Variants in ZMAT4 observed in about 807,000 individuals in gnomAD.
ZMAT4 encodes the protein zinc finger matrin-type protein 4.
Under a neutral mutation model 28.7 loss-of-function variants are expected in ZMAT4, and 17 were observed. That is an observed-to-expected ratio of 0.59 (90% CI 0.41 to 0.89). The LOEUF (loss-of-function observed/expected upper bound fraction) is 0.89. ZMAT4 is among the 40% of genes least tolerant of loss of function. ZMAT4 has a pLI of 0.00. For missense variants in ZMAT4, 240 were observed against 283.8 expected (o/e 0.85, Z 1.11); for synonymous variants, 117 against 109.2 (o/e 1.07, Z -0.44).
chr8:40,841,016 A>T (rs1241137684), intron 1 of ZMAT4, among the ~76,000 whole-genome samples: 1 of 152,236 alleles, frequency 6.6e-6, no homozygotes, highest in Non-Finnish European at 1.5e-5. Flanking sequence ...GGAGCCCCAC[A>T]TAATGGAAAC....
chr8:40,565,136 T>C (rs1318220824), intron 6 of ZMAT4, among the ~76,000 whole-genome samples: 1 of 152,196 alleles, frequency 6.6e-6, no homozygotes, highest in Non-Finnish European at 1.5e-5. Flanking sequence ...ACAAATGTCA[T>C]TTGCTCTTAA....
At chr8:40,688,879 G>A (rs1214057314) in intron 4 of ZMAT4, among the ~76,000 whole-genome samples, 1 of 152,194 alleles carries the variant, frequency 6.6e-6, no homozygotes, top group Non-Finnish European at 1.5e-5. Context: ...TCTGAAGTCT[G>A]GTTTTCCCCA....
chr8:40,884,479 T>C (rs1438943414), intron 1 of ZMAT4: 3 of 152,256 alleles, frequency 2.0e-5, no homozygotes, highest in Middle Eastern at 3.4e-3. Context: ...GCTGTTTGCA[T>C]GCACTATCTC....
chr8:40,668,286 A>G (rs1318123784), intron 5 of ZMAT4, among the ~76,000 whole-genome samples: 1 of 152,046 alleles, frequency 6.6e-6, no homozygotes, highest in Non-Finnish European at 1.5e-5. Context: ...CCTGGCCAAC[A>G]TTGGGAAACC....
In ZMAT4 at chr8:40,680,527, A is replaced by G. The variant is rs571989104; in HGVS notation, c.350-5596T>C. Among the ~76,000 whole-genome samples the G allele has an allele frequency of 2.0e-5, 3 of 152,198 alleles. No individual in the cohort carries two copies. The South Asian group carries it at 6.2e-4, about 32-fold the overall frequency. The stretch of plus-strand genomic sequence containing the variant: ...ACAGATCTCAAAGCTCTGTCAGACC[A>G]CCAGGTGGGCGTCATTAGCTGGGGA... On this transcript the variant is annotated intron_variant, in intron 4 of 6. Transcript: ENST00000297737.
intron 5 of ZMAT4, among the ~76,000 whole-genome samples, chr8:40,629,007 CT>C (rs55887019): frequency 0.22 from 31,569 of 145,470 alleles, 3,419 homozygotes; most frequent in Middle Eastern, 0.28. Context: ...GCTTTCTTTT[CT>C]TTTTTTTTTT....
intron 3 of ZMAT4, among the ~76,000 whole-genome samples, chr8:40,704,574 T>G (rs1170758858): frequency 6.6e-6 from 1 of 152,252 alleles, no homozygotes; most frequent in African/African-American, 2.4e-5. Flanking sequence ...TTTAGAATTG[T>G]CTTTCTAAAA....
intron 6 of ZMAT4, among the ~76,000 whole-genome samples, chr8:40,551,322 T>C (rs1201734420): frequency 6.6e-6 from 1 of 152,182 alleles, no homozygotes; most frequent in Non-Finnish European, 1.5e-5. Context: ...GAGAAAATAT[T>C]TTCTTTCCTT....
Position 40,655,657 on chromosome 8 carries a change from A to G in ZMAT4, c.577+19047T>C, listed in dbSNP as rs118172025. ...TGATAGGCCAGAAATAGACCCATAC[A>G]TTTATGGTCCATTGAGTTTCAGCAA... On this transcript the variant is annotated intron_variant, in intron 5 of 6. Transcript: ENST00000297737. 2.7e-3 allele frequency among the ~76,000 whole-genome samples: 418 copies of G among 152,220 alleles called. 2 individuals carry two copies. Among genetic ancestry groups the G allele is most frequent in the Non-Finnish European group, 2.8e-3 (189 of 67,964 alleles).
chr8:40,841,877 C>G lies in ZMAT4; in HGVS notation c.-4-16197G>C, dbSNP rs201533929. Among the ~76,000 whole-genome samples the G allele has an allele frequency of 6.6e-5, 10 of 152,216 alleles. No homozygotes were observed. In the East Asian group the frequency reaches 1.9e-3, roughly 29 times the overall value. ...GTTAAGAAGAGTCCAGAGGGTGGTC[C>G]TAAAGAGATCACCTGCAGGATGCGC... On this transcript the variant is annotated intron_variant, in intron 1 of 6. Coordinates refer to ENST00000297737, the MANE Select transcript of ZMAT4 (RefSeq NM_024645.3).
intron 5 of ZMAT4, among the ~76,000 whole-genome samples, chr8:40,645,114 C>A (rs1807242367): frequency 6.6e-6 from 1 of 152,086 alleles, no homozygotes; most frequent in South Asian, 2.1e-4. Flanking sequence ...AAACTATGGA[C>A]TTTAGTTAAT....
chr8:40,813,191 C>A (rs1815398149), intron 2 of ZMAT4, among the ~76,000 whole-genome samples: 1 of 151,798 alleles, frequency 6.6e-6, no homozygotes, highest in Non-Finnish European at 1.5e-5. Flanking sequence ...AAAAAAAATC[C>A]ATGCCCACAA....
chr8:40,542,115 G>A (rs1031813070), intron 6 of ZMAT4, among the ~76,000 whole-genome samples: 1 of 152,208 alleles, frequency 6.6e-6, no homozygotes, highest in Non-Finnish European at 1.5e-5. Context: ...GGGAACAGAA[G>A]TGGTGAAGTT....
chr8:40,786,953 A>G (rs1814112024), intron 2 of ZMAT4, among the ~76,000 whole-genome samples: 2 of 152,264 alleles, frequency 1.3e-5, no homozygotes. Context: ...GATAGGTAAC[A>G]TTCCAAAACT....
At chr8:40,789,280 C>T (rs551006632) in intron 2 of ZMAT4, among the ~76,000 whole-genome samples, 11 of 152,222 alleles carry the variant, frequency 7.2e-5, no homozygotes, top group Non-Finnish European at 1.2e-4. Context: ...TTACGGCTAG[C>T]GTTGTACTTA....
chr8:40,769,585 G>A (rs866850360), intron 2 of ZMAT4, among the ~76,000 whole-genome samples: 134 of 152,298 alleles, frequency 8.8e-4, no homozygotes, highest in African/African-American at 3.1e-3. Flanking sequence ...GATAAAGCAC[G>A]CAGACGATAA....
intron 6 of ZMAT4, among the ~76,000 whole-genome samples, chr8:40,539,392 C>G (rs180871022): frequency 6.6e-6 from 1 of 152,254 alleles, no homozygotes; most frequent in African/African-American, 2.4e-5. Flanking sequence ...CCTGCATTTT[C>G]AGATAAGAAA....
At chr8:40,830,812 C>T (rs1411285056) in intron 1 of ZMAT4, among the ~76,000 whole-genome samples, 1 of 152,144 alleles carries the variant, frequency 6.6e-6, no homozygotes, top group African/African-American at 2.4e-5. Flanking sequence ...GGTTCAAATC[C>T]AGGTGTGGTT....
rs577219215 is a variant in ZMAT4 at position 40,599,767 on chromosome 8, G to C, written c.578-18506C>G. On this transcript the variant is annotated intron_variant, in intron 5 of 6. Coordinates refer to ENST00000297737, the MANE Select transcript of ZMAT4 (RefSeq NM_024645.3). ...CTGGATGGGAGACACACGAGGGAGG[G>C]GTCTGCCTGAACATATGCTGTGTAA... 7.7e-4 allele frequency among the ~76,000 whole-genome samples: 117 copies of C among 152,324 alleles called. 1 individual carries two copies. The highest frequency in any genetic ancestry group is 2.8e-3 in the African/African-American group (117 of 41,580).
Sources: allele counts gnomAD v4.1 joint callset (sites outside exome capture counted in the v4.1 genomes callset), GRCh38; gene constraint gnomAD v4.1.1; transcripts MANE v1.5; gene names NCBI Gene and HGNC (gene_info 2026-07-23, HGNC 2026-07-21).